MYO6: variants seen among roughly 807,000 people sequenced by gnomAD.
The protein encoded by MYO6 is unconventional myosin-VI.
In MYO6, 74 loss-of-function variants were observed where a neutral mutation model predicts 178.7. The ratio of observed to expected loss-of-function variants is 0.41; its 90% CI spans 0.34 to 0.50. MYO6 has a LOEUF of 0.50. Among genes scored for constraint, MYO6 ranks in the 20% least tolerant of loss-of-function variants. The probability of loss-of-function intolerance (pLI) is 0.09; values close to 1 mark genes in which losing one functional copy is unlikely to be tolerated. For missense variants in MYO6, 1,330 were observed against 1,547.4 expected, an observed-to-expected ratio of 0.86 and a Z score of 2.36; for synonymous variants, 477 against 504.6, an observed-to-expected ratio of 0.95 and a Z score of 0.73.
At chr6:75,809,880 T>C (rs538193712) in intron 1 of MYO6, among the ~76,000 whole-genome samples, 1 of 140,170 alleles carries the variant, frequency 7.1e-6, no homozygotes, top group East Asian at 2.1e-4. Flanking sequence ...CTGGCTAACA[T>C]GATGAAACCT....
intron 20 of MYO6, 61 bp from the exon 21 acceptor site, chr6:75,879,759 C>G (rs1777867226): frequency 6.2e-7 from 1 of 1,612,720 alleles, no homozygotes; most frequent in Non-Finnish European, 8.5e-7. Flanking sequence ...TGATCATTCA[C>G]AAATTATTTT....
chr6:75,772,082 AC>A (rs1218292153), intron 1 of MYO6, among the ~76,000 whole-genome samples: 1 of 152,168 alleles, frequency 6.6e-6, no homozygotes, highest in East Asian at 1.9e-4. Flanking sequence ...TTCTGTTGAA[AC>A]TAATACTGTT....
intron 1 of MYO6, among the ~76,000 whole-genome samples, chr6:75,802,042 T>G (rs188774817): frequency 1.7e-3 from 259 of 152,362 alleles, no homozygotes; most frequent in South Asian, 4.1e-3. Context: ...TATAATTGAT[T>G]CAAGAAATGA....
intron 5 of MYO6, among the ~76,000 whole-genome samples, chr6:75,831,819 G>A (rs1773121782): frequency 2.0e-5 from 3 of 151,258 alleles, no homozygotes; most frequent in Admixed American, 6.6e-5. Context: ...GAGCTCAGGA[G>A]ATCGAGGCTG....
chr6:75,839,759 A>G (rs1159332608), intron 7 of MYO6, among the ~76,000 whole-genome samples: 1 of 152,150 alleles, frequency 6.6e-6, no homozygotes, highest in Non-Finnish European at 1.5e-5. Flanking sequence ...AGCCTTAGGT[A>G]ATTCTGTAAA....
chr6:75,802,498 T>TAAA (rs2150121456), intron 1 of MYO6, among the ~76,000 whole-genome samples: 2 of 87,618 alleles, frequency 2.3e-5, no homozygotes, highest in African/African-American at 8.9e-5. Flanking sequence ...TTTTTTTTTT[T>TAAA]AATGAGACTG....
chr6:75,810,346 T>C (rs1345926225), intron 1 of MYO6, among the ~76,000 whole-genome samples: 2 of 152,156 alleles, frequency 1.3e-5, no homozygotes, highest in Admixed American at 1.3e-4. Context: ...AAATATATTG[T>C]GGAGTAAAAT....
At chr6:75,866,196 A>G (rs1776650106) in intron 16 of MYO6, among the ~76,000 whole-genome samples, 1 of 152,130 alleles carries the variant, frequency 6.6e-6, no homozygotes, top group Non-Finnish European at 1.5e-5. Flanking sequence ...CTTTTAAAAA[A>G]AAATTTTTTT....
At chr6:75,764,451 G>A (rs1277173622) in intron 1 of MYO6, among the ~76,000 whole-genome samples, 1 of 152,028 alleles carries the variant, frequency 6.6e-6, no homozygotes, top group East Asian at 1.9e-4. Context: ...ATCTTTGAAA[G>A]TAGCCACCCC....
intron 1 of MYO6, among the ~76,000 whole-genome samples, chr6:75,776,979 A>G (rs1583038570): frequency 6.6e-6 from 1 of 152,194 alleles, no homozygotes; most frequent in Non-Finnish European, 1.5e-5. Context: ...CAGATACAGC[A>G]TAGTTTACGA....
chr6:75,872,128 CAAAAATAAAAAT>C (rs567217878), intron 19 of MYO6, among the ~76,000 whole-genome samples: 1 of 151,340 alleles, frequency 6.6e-6, no homozygotes, highest in East Asian at 1.9e-4. Flanking sequence ...GACTCTCTCT[CAAAAATAAAAAT>C]AAAAATAAAA....
intron 30 of MYO6, among the ~76,000 whole-genome samples, chr6:75,900,359 A>C (rs1356445330): frequency 6.6e-6 from 1 of 152,170 alleles, no homozygotes; most frequent in Non-Finnish European, 1.5e-5. Context: ...CCAACAGTGT[A>C]AAAGTGTTCC....
chr6:75,840,565 A>G lies in MYO6; in HGVS notation c.554-20A>G. On this transcript the variant is annotated intron_variant, in intron 7 of 34. Transcript: ENST00000369977. Reference sequence around the variant, plus strand: ...TTCCGTCATGCTAATTTTTTGATGGATTTTTTTGTTTCTCAATAGCTAACC... The same window carrying G: ...TTCCGTCATGCTAATTTTTTGATGGGTTTTTTTGTTTCTCAATAGCTAACC... 1.3e-6 allele frequency: 2 copies of G among 1,565,098 alleles called. No individual in the cohort carries two copies. Among genetic ancestry groups the G allele is most frequent in the Non-Finnish European group, 1.8e-6 (2 of 1,135,444 alleles).
chr6:75,779,291 C>A (rs562437782), intron 1 of MYO6, among the ~76,000 whole-genome samples: 1 of 152,058 alleles, frequency 6.6e-6, no homozygotes, highest in Non-Finnish European at 1.5e-5. Flanking sequence ...TACCTGAGGT[C>A]AGGAGTTTGA....
chr6:75,841,171 C>T (rs751465266), intron 8 of MYO6, 43 bp from the exon 9 acceptor site: 1 of 1,568,760 alleles, frequency 6.4e-7, no homozygotes, highest in Non-Finnish European at 8.8e-7. Flanking sequence ...TATTTTAAGA[C>T]TTTAAATGCA....
intron 1 of MYO6, among the ~76,000 whole-genome samples, chr6:75,772,995 G>A (rs1167637920): frequency 1.3e-5 from 2 of 152,134 alleles, no homozygotes; most frequent in Non-Finnish European, 2.9e-5. Flanking sequence ...GTGACTATAG[G>A]TTTATCTATA....
chr6:75,841,578 C>T (rs1774231277), intron 9 of MYO6, among the ~76,000 whole-genome samples, 200 bp downstream of exon 9: 1 of 151,848 alleles, frequency 6.6e-6, no homozygotes, highest in Admixed American at 6.6e-5. Flanking sequence ...CCTGTAGTTC[C>T]AGCTACTCGG....
chr6:75,834,926 T>A (rs1773493686), intron 6 of MYO6, among the ~76,000 whole-genome samples: 1 of 152,240 alleles, frequency 6.6e-6, no homozygotes, highest in Non-Finnish European at 1.5e-5. Flanking sequence ...ATAGTCTATA[T>A]GAGTCTATGG....
chr6:75,827,405 A>C (rs1772591015), intron 3 of MYO6, among the ~76,000 whole-genome samples: 1 of 152,208 alleles, frequency 6.6e-6, no homozygotes, highest in East Asian at 1.9e-4. Context: ...GTTAGTATTA[A>C]GGTGAATTGT....
Sources: allele counts gnomAD v4.1 joint callset (sites outside exome capture counted in the v4.1 genomes callset), GRCh38; gene constraint gnomAD v4.1.1; transcripts MANE v1.5; gene names NCBI Gene and HGNC (gene_info 2026-07-23, HGNC 2026-07-21).